The following KIRREL3 variants were observed in gnomAD, a reference collection of about 807,000 sequenced individuals.
KIRREL3 encodes the protein kirre like nephrin family adhesion molecule 3.
Under a neutral mutation model 89.7 loss-of-function variants are expected in KIRREL3, and 36 were observed. The observed-to-expected ratio is 0.40, with a 90% CI of 0.31 to 0.53. KIRREL3 has a LOEUF of 0.53. KIRREL3 is among the 20% of genes least tolerant of loss of function. The pLI is 0.49. For synonymous variants in KIRREL3, 445 were observed against 441.4 expected (o/e 1.01, Z -0.10); for missense variants, 864 against 1,056.6 (o/e 0.82, Z 2.53).
intron 1 of KIRREL3, among the ~76,000 whole-genome samples, chr11:126,745,459 AAAAC>A (rs67307715): frequency 0.017 from 2,404 of 138,958 alleles, 69 homozygotes; most frequent in African/African-American, 0.058. Context: ...ATCAAGATGG[AAAAC>A]AAACAAACAA....
intron 4 of KIRREL3, among the ~76,000 whole-genome samples, chr11:126,500,739 C>CAAAAAAAAAAA (rs10556780): frequency 7.5e-6 from 1 of 133,190 alleles, no homozygotes. Flanking sequence ...GACTTTAACT[C>CAAAAAAAAAAA]AAAAAAAAAA....
In KIRREL3 at chr11:126,908,014, C is replaced by T. The variant is rs1397419476; in HGVS notation, c.55+92441G>A. On this transcript the variant is annotated intron_variant, in intron 1 of 16. Coordinates refer to ENST00000525144, the MANE Select transcript of KIRREL3 (RefSeq NM_032531.4). This position sits in a 1 kb window ranked among gnomAD's most constrained non-coding sequence, Gnocchi z 4.2. ...CTTGACCACCTGTGATGTCACACCG[C>T]CACCCAAAAGACACCCCCCAAATTC... 6.6e-6 allele frequency among the ~76,000 whole-genome samples: 1 copy of T among 152,146 alleles called. No homozygotes were observed. The highest frequency in any genetic ancestry group is 2.4e-5 in the African/African-American group (1 of 41,416).
intron 1 of KIRREL3, among the ~76,000 whole-genome samples, chr11:126,671,120 T>TA (rs1250436329): frequency 6.6e-6 from 1 of 151,946 alleles, no homozygotes; most frequent in Non-Finnish European, 1.5e-5. Flanking sequence ...ACATCCTTCA[T>TA]AAAAAATTGC....
rs557306988 is a variant in KIRREL3 at position 126,776,829 on chromosome 11, C to A, written c.56-213917G>T. On this transcript the variant is annotated intron_variant, in intron 1 of 16. Transcript: ENST00000525144. This position sits in a 1 kb window ranked among gnomAD's most constrained non-coding sequence, Gnocchi z 4.7. ...GAGCCCTGAGAGATGGGGGCTCATA[C>A]CCAGCCAGCAGTGTCCCAGCTTTCC... is the stretch of plus-strand genomic sequence containing the variant. Among the ~76,000 whole-genome samples, 1 of 152,198 alleles carries A rather than the reference C, an allele frequency of 6.6e-6. No individual in the cohort carries two copies.
chr11:126,536,703 G>A (rs1937919451), intron 2 of KIRREL3, among the ~76,000 whole-genome samples: 1 of 144,622 alleles, frequency 6.9e-6, no homozygotes, highest in African/African-American at 2.6e-5. Flanking sequence ...AAGTGCAGTG[G>A]TGCGATCTCG....
chr11:126,824,918 C>T (rs908780214), intron 1 of KIRREL3, among the ~76,000 whole-genome samples: 2 of 152,136 alleles, frequency 1.3e-5, no homozygotes, highest in Non-Finnish European at 1.5e-5. Flanking sequence ...TCTTGAGGCC[C>T]ACAAGGAATT....
At chr11:126,547,015 ACT>A (rs1240074709) in intron 2 of KIRREL3, among the ~76,000 whole-genome samples, 1 of 152,360 alleles carries the variant, frequency 6.6e-6, no homozygotes, top group East Asian at 1.9e-4. Context: ...TCTCTGGGAC[ACT>A]GAGTGTGTTT....
chr11:126,826,113 G>C (rs544221299), intron 1 of KIRREL3, among the ~76,000 whole-genome samples: 4 of 151,916 alleles, frequency 2.6e-5, no homozygotes, highest in Non-Finnish European at 5.9e-5. Context: ...ACCCCATTAC[G>C]CTTGCCCCCA....
chr11:126,631,936 C>T (rs748181309), intron 1 of KIRREL3, among the ~76,000 whole-genome samples: 7 of 152,172 alleles, frequency 4.6e-5, no homozygotes, highest in Admixed American at 4.6e-4. Context: ...GATTTTGAGC[C>T]ATTTAGGGGG....
At chr11:127,003,128 A>C (rs1244370231), upstream of KIRREL3, 1 of 152,328 alleles carries the variant, frequency 6.6e-6, no homozygotes. Flanking sequence ...AAGAAAAAAA[A>C]AAAAGCTTGG....
chr11:126,657,195 A>G (rs2134996138), intron 1 of KIRREL3, among the ~76,000 whole-genome samples: 1 of 152,192 alleles, frequency 6.6e-6, no homozygotes, highest in South Asian at 2.1e-4. Context: ...ATATTTTATA[A>G]TAGATCATGC....
At chr11:126,826,672 C>G (rs1246260062) in intron 1 of KIRREL3, among the ~76,000 whole-genome samples, 2 of 152,170 alleles carry the variant, frequency 1.3e-5, no homozygotes, top group Non-Finnish European at 2.9e-5. Context: ...GAAGCTGGCT[C>G]TCCTTCAAAG....
rs1353197839 is a variant in KIRREL3, at chr11:126,837,826, C to G, written c.55+162629G>C. ...TGGGACAGCAACTTGCTATCCATTTCTAGCAGCTCGCAGTCTATGTCCAGG... is the reference window on the plus strand; with the variant it reads ...TGGGACAGCAACTTGCTATCCATTTGTAGCAGCTCGCAGTCTATGTCCAGG... On this transcript the variant is annotated intron_variant, in intron 1 of 16. Transcript: ENST00000525144. The surrounding 1 kb of genome is among the most constrained non-coding windows in gnomAD (Gnocchi z 4.7). Among the ~76,000 whole-genome samples, 1 of 152,222 alleles carries G rather than the reference C, an allele frequency of 6.6e-6. No individual in the cohort carries two copies. Among genetic ancestry groups the G allele is most frequent in the African/African-American group, 2.4e-5 (1 of 41,456 alleles).
In KIRREL3 at chr11:126,498,287, G is replaced by A. The variant is rs1249795083; in HGVS notation, c.433+23028C>T. Among the ~76,000 whole-genome samples, 2 of 152,082 alleles carry A rather than the reference G, an allele frequency of 1.3e-5. No homozygotes were observed. The highest frequency in any genetic ancestry group is 2.4e-5 in the African/African-American group (1 of 41,414). The stretch of plus-strand genomic sequence containing the variant: ...GCTAAGACAAAAAGAAAAAGAAAAC[G>A]CCCATTTTCTCACTCCAAGTTTCCC... On this transcript the variant is annotated intron_variant, in intron 4 of 16. Transcript: ENST00000525144. This position sits in a 1 kb window ranked among gnomAD's most constrained non-coding sequence, Gnocchi z 4.3.
intron 4 of KIRREL3, among the ~76,000 whole-genome samples, chr11:126,511,899 C>G (rs1345937981): frequency 2.6e-5 from 4 of 152,190 alleles, no homozygotes; most frequent in Admixed American, 6.5e-5. Flanking sequence ...ATTTTTAGCC[C>G]TCAGAGGGCT....
intron 6 of KIRREL3, among the ~76,000 whole-genome samples, chr11:126,461,573 CCCCCCCG>C (rs937407122): frequency 2.6e-5 from 4 of 151,680 alleles, no homozygotes; most frequent in African/African-American, 9.7e-5. Context: ...AAGATAAAGT[CCCCCCCG>C]CCCCAAGAAC....
At chr11:127,002,706 G>T (rs1467837223), upstream of KIRREL3, among the ~76,000 whole-genome samples, 1 of 152,156 alleles carries the variant, frequency 6.6e-6, no homozygotes, top group Non-Finnish European at 1.5e-5. Flanking sequence ...TCTATCAAAG[G>T]TAGCAACATT....
At chr11:126,758,243 G>C (rs773576465) in intron 1 of KIRREL3, among the ~76,000 whole-genome samples, 5 of 152,250 alleles carry the variant, frequency 3.3e-5, no homozygotes. Flanking sequence ...TATTTTTAGA[G>C]TGGGCTGGAA....
At position 126,772,842 on chromosome 11, in the gene KIRREL3, A is replaced by T. The variant is rs891053840; in HGVS notation, c.56-209930T>A. Reference sequence around the variant, plus strand: ...CCTTTGCCCCTAATGCCAGCACCATACCTACTGCATCTGGATCTTCATAAT... The same window carrying T: ...CCTTTGCCCCTAATGCCAGCACCATTCCTACTGCATCTGGATCTTCATAAT... On this transcript the variant is annotated intron_variant, in intron 1 of 16. Coordinates refer to ENST00000525144, the MANE Select transcript of KIRREL3 (RefSeq NM_032531.4). The surrounding 1 kb of genome is among the most constrained non-coding windows in gnomAD (Gnocchi z 4.6). Among the ~76,000 whole-genome samples, 2 of 152,092 alleles carry T rather than the reference A, an allele frequency of 1.3e-5. No individual in the cohort carries two copies. Among genetic ancestry groups the T allele is most frequent in the African/African-American group, 4.8e-5 (2 of 41,406 alleles).
Sources: gnomAD v4.1 joint callset for allele counts (sites outside exome capture counted in the v4.1 genomes callset) on GRCh38, gnomAD v4.1.1 for gene constraint, Gnocchi (gnomAD v3.1) non-coding constraint, MANE v1.5 for transcripts, NCBI Gene and HGNC (gene_info 2026-07-23, HGNC 2026-07-21) for gene names.